Variants in GRIK1 observed in about 807,000 individuals in gnomAD.
GRIK1 encodes glutamate receptor ionotropic, kainate 1.
Under a neutral mutation model 105.7 loss-of-function variants are expected in GRIK1, and 69 were observed. The observed-to-expected ratio is 0.65, with a 90% confidence interval of 0.54 to 0.80. The LOEUF (loss-of-function observed/expected upper bound fraction) is 0.80. GRIK1 is among the 30% of genes least tolerant of loss of function. The pLI, the probability that GRIK1 is intolerant of heterozygous loss-of-function variation, is 0.00. For missense variants in GRIK1, 1,109 were observed against 1,167.3 expected, an observed-to-expected ratio of 0.95 and a Z score of 0.73; for synonymous variants, 438 against 431.3, an observed-to-expected ratio of 1.02 and a Z score of -0.19.
chr21:29,775,012 C>T (rs1326138780), intron 1 of GRIK1, among the ~76,000 whole-genome samples: 4 of 152,054 alleles, frequency 2.6e-5, no homozygotes, highest in African/African-American at 7.2e-5. Flanking sequence ...TTTGCTTTTA[C>T]TGCTAAAAAC....
At position 29,723,787 on chromosome 21, in the gene GRIK1, T is replaced by G. The variant is rs2064383735; in HGVS notation, c.119-29724A>C. Among the ~76,000 whole-genome samples the G allele has an allele frequency of 1.3e-5, 2 of 152,178 alleles. 1 individual carries two copies. The highest frequency in any genetic ancestry group is 4.1e-4 in the South Asian group (2 of 4,834). ...CAGGAGTACATTTTTACTCATTCTTTTTTTTTTGGAACTCCAATATTGTTT... is the reference window on the plus strand; with the variant it reads ...CAGGAGTACATTTTTACTCATTCTTGTTTTTTTGGAACTCCAATATTGTTT... On this transcript the variant is annotated intron_variant, in intron 1 of 17. Coordinates refer to ENST00000327783, the MANE Select transcript of GRIK1 (RefSeq NM_001330994.2).
rs553086816 is a variant in GRIK1, at chr21:29,757,127, A to C, written c.119-63064T>G. On this transcript the variant is annotated intron_variant, in intron 1 of 17. Coordinates refer to ENST00000327783, the MANE Select transcript of GRIK1 (RefSeq NM_001330994.2). Reference sequence around the variant, plus strand: ...ATTGAGACTCCATCTCAATATAAAAAATAAAAATAAATTAAAAAATTTAAA... The same window carrying C: ...ATTGAGACTCCATCTCAATATAAAACATAAAAATAAATTAAAAAATTTAAA... 3.3e-5 allele frequency among the ~76,000 whole-genome samples: 5 copies of C among 152,164 alleles called. No homozygotes were observed. The East Asian group carries it at 9.6e-4, about 29-fold the overall frequency.
At chr21:29,771,580 A>G (rs746165138) in intron 1 of GRIK1, among the ~76,000 whole-genome samples, 62 of 152,166 alleles carry the variant, frequency 4.1e-4, no homozygotes, top group Non-Finnish European at 4.0e-4. Flanking sequence ...TATAACAAAT[A>G]CTAGTAATGG....
chr21:29,783,941 GT>G (rs1475016335), intron 1 of GRIK1, among the ~76,000 whole-genome samples: 1 of 151,876 alleles, frequency 6.6e-6, no homozygotes, highest in Non-Finnish European at 1.5e-5. Context: ...TTTGCTCTTT[GT>G]TTTTTTTAGA....
intron 1 of GRIK1, among the ~76,000 whole-genome samples, chr21:29,843,658 A>T (rs1406892747): frequency 6.6e-6 from 1 of 152,140 alleles, no homozygotes; most frequent in Non-Finnish European, 1.5e-5. Context: ...GACACTGGGG[A>T]GAGAGAAAAC....
chr21:29,858,649 G>A lies in GRIK1; in HGVS notation c.118+80734C>T, dbSNP rs78939288. ...GAAAGTCTTCAGAGGAGTTTGTTTC[G>A]GGAGCTAAGGGGCTGCACAAGAGAA... is the stretch of plus-strand genomic sequence containing the variant. On this transcript the variant is annotated intron_variant, in intron 1 of 17. Coordinates refer to ENST00000327783, the MANE Select transcript of GRIK1 (RefSeq NM_001330994.2). Among the ~76,000 whole-genome samples the A allele has an allele frequency of 5.4e-3, 821 of 152,084 alleles. 5 individuals carry two copies. Among genetic ancestry groups the A allele is most frequent in the African/African-American group, 0.018 (759 of 41,506 alleles).
intron 16 of GRIK1, chr21:29,553,320 T>C (rs2090168714): frequency 1.8e-6 from 2 of 1,125,564 alleles, no homozygotes; most frequent in Non-Finnish European, 2.2e-6. Flanking sequence ...ACAGAGAAGA[T>C]TCCTGTAAAT....
At chr21:29,725,312 C>T (rs760604106) in intron 1 of GRIK1, among the ~76,000 whole-genome samples, 6 of 152,140 alleles carry the variant, frequency 3.9e-5, no homozygotes, top group Non-Finnish European at 7.3e-5. Flanking sequence ...TTATCTTCCT[C>T]GTTGGGGAAA....
chr21:29,885,545 A>G (rs1001091208), intron 1 of GRIK1, among the ~76,000 whole-genome samples: 4 of 152,078 alleles, frequency 2.6e-5, no homozygotes, highest in Non-Finnish European at 5.9e-5. Context: ...TTAGTGAAAG[A>G]TATTGTCTTA....
intron 1 of GRIK1, among the ~76,000 whole-genome samples, chr21:29,803,074 T>A (rs932406682): frequency 1.3e-5 from 2 of 152,122 alleles, no homozygotes; most frequent in African/African-American, 4.8e-5. Flanking sequence ...TAATGCTTGA[T>A]GAGATGTGGA....
At chr21:29,540,156 G>A (rs1476120060) in intron 16 of GRIK1, among the ~76,000 whole-genome samples, 2 of 152,124 alleles carry the variant, frequency 1.3e-5, no homozygotes, top group Non-Finnish European at 2.9e-5. Context: ...TAGAAGAGTG[G>A]TCATAGATAT....
chr21:29,689,658 CTATT>C (rs1287681085), intron 3 of GRIK1, 66 bp downstream of exon 3: 5 of 1,373,658 alleles, frequency 3.6e-6, no homozygotes, highest in Non-Finnish European at 4.1e-6. Flanking sequence ...AGTTTAATGA[CTATT>C]TGATACTTTC....
chr21:29,539,790 A>G (rs2089939560), intron 16 of GRIK1, among the ~76,000 whole-genome samples: 2 of 152,160 alleles, frequency 1.3e-5, no homozygotes, highest in Admixed American at 1.3e-4. Context: ...TACATATTAT[A>G]CCCTTTATAT....
chr21:29,831,876 C>A (rs985566376), intron 1 of GRIK1, among the ~76,000 whole-genome samples: 2 of 152,096 alleles, frequency 1.3e-5, no homozygotes, highest in African/African-American at 4.8e-5. Flanking sequence ...TCAACATTAC[C>A]TCAAAAATCT....
intron 9 of GRIK1, chr21:29,596,100 A>G (rs1367658193): frequency 6.4e-6 from 2 of 311,540 alleles, no homozygotes; most frequent in African/African-American, 4.4e-5. Flanking sequence ...GAGGTGTCCT[A>G]GCCTTCTGAG....
intron 3 of GRIK1, among the ~76,000 whole-genome samples, chr21:29,683,208 G>T (rs2063415927): frequency 6.6e-6 from 1 of 152,170 alleles, no homozygotes; most frequent in African/African-American, 2.4e-5. Flanking sequence ...AGCCACTGTG[G>T]GAAGCAGTTT....
At chr21:29,898,376 C>T (rs1331265131) in intron 1 of GRIK1, among the ~76,000 whole-genome samples, 1 of 152,140 alleles carries the variant, frequency 6.6e-6, no homozygotes, top group Non-Finnish European at 1.5e-5. Context: ...CCAGGAAAGG[C>T]TGACAGAAGG....
chr21:29,588,649 T>G (rs1167184420), intron 11 of GRIK1, among the ~76,000 whole-genome samples, 190 bp downstream of exon 11: 1 of 152,196 alleles, frequency 6.6e-6, no homozygotes, highest in Non-Finnish European at 1.5e-5. Context: ...GCACCATATA[T>G]TTTTATCATT....
chr21:29,828,940 A>T (rs1213162574), intron 1 of GRIK1, among the ~76,000 whole-genome samples: 1 of 152,174 alleles, frequency 6.6e-6, no homozygotes, highest in East Asian at 1.9e-4. Context: ...AACCAGTTTT[A>T]CTCCAAAGCA....
Sources: allele counts gnomAD v4.1 joint callset (sites outside exome capture counted in the v4.1 genomes callset), GRCh38; gene constraint gnomAD v4.1.1; transcripts MANE v1.5; gene names NCBI Gene and HGNC (gene_info 2026-07-23, HGNC 2026-07-21).